BICD2: variants seen among roughly 807,000 people sequenced by gnomAD.
The protein encoded by BICD2 is protein bicaudal D homolog 2.
In BICD2, 25 loss-of-function variants were observed where a neutral mutation model predicts 72.9. That is an observed-to-expected ratio of 0.34 (90% CI 0.25 to 0.48). The LOEUF is 0.48. Among genes scored for constraint, BICD2 ranks in the 20% least tolerant of loss-of-function variants. The pLI is 0.99. For missense variants in BICD2, 894 were observed against 1,175.2 expected (o/e 0.76, Z 3.50); for synonymous variants, 501 against 516.1 (o/e 0.97, Z 0.40).
chr9:92,744,407 T>C (rs1026335666), intron 1 of BICD2, among the ~76,000 whole-genome samples: 1 of 152,236 alleles, frequency 6.6e-6, no homozygotes, highest in African/African-American at 2.4e-5. Context: ...GCTGACTACA[T>C]GCAACTTCTT....
At position 92,718,662 on chromosome 9, in the gene BICD2, C is replaced by T. The variant is rs1245533357; in HGVS notation, c.1983G>A (p.Leu661=). The change falls in exon 5 of 7, where the codon CTG becomes CTA. Residue 661 remains leucine (L), a synonymous_variant. Transcript: ENST00000356884. ...CCTTGTCCTTGTCCACGGCGGGGCC[C>T]AGCTCCTGAGAGGCAATGCGCTGGC... ...LSRQRIASQE[L]GPAVDKDKEA... is the part of the protein sequence containing the mutation. 1 of 1,614,050 alleles carries T rather than the reference C, an allele frequency of 6.2e-7. No individual in the cohort carries two copies. Among genetic ancestry groups the T allele is most frequent in the South Asian group, 1.1e-5 (1 of 91,086 alleles).
chr9:92,742,308 A>G (rs1853912232), intron 1 of BICD2, among the ~76,000 whole-genome samples: 1 of 152,240 alleles, frequency 6.6e-6, no homozygotes, highest in African/African-American at 2.4e-5. Context: ...TCACCCTTTT[A>G]AAGTGTACCA....
At chr9:92,749,237 T>G (rs1473001264) in intron 1 of BICD2, among the ~76,000 whole-genome samples, 1 of 152,156 alleles carries the variant, frequency 6.6e-6, no homozygotes, top group Non-Finnish European at 1.5e-5. Context: ...CGCCCACCTC[T>G]GCCAGCCTAT....
At chr9:92,733,500 T>C (rs1178342599) in intron 1 of BICD2, among the ~76,000 whole-genome samples, 1 of 151,600 alleles carries the variant, frequency 6.6e-6, no homozygotes, top group Non-Finnish European at 1.5e-5. Context: ...ATCACGCCAC[T>C]GTATTCCAAC....
chr9:92,717,548 C>T (rs1564058932), intron 6 of BICD2, among the ~76,000 whole-genome samples: 1 of 152,242 alleles, frequency 6.6e-6, no homozygotes, highest in African/African-American at 2.4e-5. Flanking sequence ...GGGCCCCCAA[C>T]CCCATGTGGC....
At chr9:92,751,843 C>T (rs1421926870) in intron 1 of BICD2, among the ~76,000 whole-genome samples, 3 of 146,126 alleles carry the variant, frequency 2.1e-5, no homozygotes, top group Non-Finnish European at 3.0e-5. Flanking sequence ...TTGCTCCTGT[C>T]GCCCAGGCTG....
intron 1 of BICD2, among the ~76,000 whole-genome samples, chr9:92,749,985 T>C (rs1854114793): frequency 6.6e-6 from 1 of 152,246 alleles, no homozygotes; most frequent in Non-Finnish European, 1.5e-5. Flanking sequence ...CAGGAGAGCA[T>C]GGCTGCAGCC....
chr9:92,743,631 A>C (rs1279217868), intron 1 of BICD2, among the ~76,000 whole-genome samples: 5 of 152,204 alleles, frequency 3.3e-5, no homozygotes, highest in Non-Finnish European at 7.3e-5. Flanking sequence ...TGGAGGAAGA[A>C]ACTAAGGCTC....
At chr9:92,745,329 A>G (rs1853988015) in intron 1 of BICD2, among the ~76,000 whole-genome samples, 1 of 152,040 alleles carries the variant, frequency 6.6e-6, no homozygotes, top group Non-Finnish European at 1.5e-5. Context: ...TGGATGTGAG[A>G]TGAGCTGGAA....
Position 92,712,202 on chromosome 9 carries a change from G to A in BICD2, c.*2952C>T, listed in dbSNP as rs1235704032. 6.6e-6 allele frequency: 1 copy of A among 152,588 alleles called. No homozygotes were observed. The highest frequency in any genetic ancestry group is 1.5e-5 in the Non-Finnish European group (1 of 68,038). 9.5% of individuals were successfully genotyped at this position (152,588 alleles called of 1,614,324 possible). A position where few individuals can be genotyped will look rare whatever the true frequency, so the allele number is the denominator to read the frequency against. On this transcript the variant is annotated 3_prime_UTR_variant, in exon 7 of 7. Transcript: ENST00000356884. ...ATTTGGTTCCCAAAGCACACTCAAGGTTTTGTGTTTGCTTTCATTTTCTAA... is the reference window on the plus strand; with the variant it reads ...ATTTGGTTCCCAAAGCACACTCAAGATTTTGTGTTTGCTTTCATTTTCTAA...
intron 1 of BICD2, among the ~76,000 whole-genome samples, chr9:92,747,337 AGCACTTTGCCCAGGCC>A (rs1187343852): frequency 3.3e-5 from 5 of 152,176 alleles, no homozygotes; most frequent in African/African-American, 1.2e-4. Flanking sequence ...TCTGTGGAGA[AGCACTTTGCCCAGGCC>A]CCTGGCTACA....
intron 1 of BICD2, among the ~76,000 whole-genome samples, chr9:92,747,087 A>G (rs1296441404): frequency 6.6e-6 from 1 of 152,196 alleles, no homozygotes; most frequent in Non-Finnish European, 1.5e-5. Flanking sequence ...GAGGTCTCCC[A>G]GCAGCTTCTA....
chr9:92,722,894 C>A (rs946560555), intron 2 of BICD2, 86 bp from the exon 3 acceptor site: 2 of 1,538,798 alleles, frequency 1.3e-6, no homozygotes, highest in Admixed American at 1.8e-5. Context: ...CCATGGCCAG[C>A]CATACAGCCA....
chr9:92,718,402 G>A, intron 5 of BICD2, 137 bp downstream of exon 5: 1 of 1,062,630 alleles, frequency 9.4e-7, no homozygotes, highest in Non-Finnish European at 1.3e-6. Flanking sequence ...AGGCAGTCGA[G>A]CTACTATGGG....
intron 1 of BICD2, among the ~76,000 whole-genome samples, chr9:92,760,229 T>C (rs895563879): frequency 1.3e-5 from 2 of 152,098 alleles, no homozygotes; most frequent in East Asian, 3.9e-4. Flanking sequence ...CTCCCAGCAC[T>C]GGGCCTGGCC....
At chr9:92,746,217 C>A (rs146053720) in intron 1 of BICD2, among the ~76,000 whole-genome samples, 3 of 152,284 alleles carry the variant, frequency 2.0e-5, no homozygotes, top group Non-Finnish European at 4.4e-5. Flanking sequence ...GAGGGGCTTG[C>A]TGCAGGCACC....
intron 1 of BICD2, among the ~76,000 whole-genome samples, chr9:92,748,629 C>T (rs1014481099): frequency 6.6e-6 from 1 of 152,076 alleles, no homozygotes; most frequent in Non-Finnish European, 1.5e-5. Context: ...ATGGGAGACC[C>T]TACCTCACCA....
chr9:92,737,953 C>G (rs983935115), intron 1 of BICD2, among the ~76,000 whole-genome samples: 1 of 152,204 alleles, frequency 6.6e-6, no homozygotes, highest in African/African-American at 2.4e-5. Flanking sequence ...AACCCCTGGA[C>G]AAGAATCTCT....
At position 92,733,818 on chromosome 9, in the gene BICD2, T is replaced by C. The variant is rs551437709; in HGVS notation, c.241-4582A>G. On this transcript the variant is annotated intron_variant, in intron 1 of 6. Transcript: ENST00000356884. The stretch of plus-strand genomic sequence containing the variant: ...CCGTCTCTACTAAAAATACAAAAAA[T>C]TAGCCAGGCGTGGCGGCGGGCGCCC... 2.0e-4 allele frequency among the ~76,000 whole-genome samples: 31 copies of C among 151,916 alleles called. No individual in the cohort carries two copies. The South Asian group carries it at 6.5e-3, about 32-fold the overall frequency.
Sources: allele counts gnomAD v4.1 joint callset (sites outside exome capture counted in the v4.1 genomes callset), GRCh38; gene constraint gnomAD v4.1.1; transcripts MANE v1.5; gene names NCBI Gene and HGNC (gene_info 2026-07-23, HGNC 2026-07-21).